UGT1A6: variants seen among roughly 807,000 people sequenced by gnomAD.
UGT1A6 encodes UDP glucuronosyltransferase family 1 member A6.
A neutral mutation model predicts 44.4 loss-of-function variants in UGT1A6; 32 were observed. The observed-to-expected ratio is 0.72, with a 90% CI of 0.54 to 0.97. The LOEUF (loss-of-function observed/expected upper bound fraction) is 0.97. Ranked by LOEUF, UGT1A6 falls within the 50% of genes least tolerant of loss-of-function variation. The pLI is 0.00. For synonymous variants in UGT1A6, 238 were observed against 248.5 expected (o/e 0.96, Z 0.40); for missense variants, 685 against 661.9 (o/e 1.03, Z -0.38).
At chr2:233,765,068 C>T (rs1698740394) in intron 1 of UGT1A6, among the ~76,000 whole-genome samples, 1 of 152,072 alleles carries the variant, frequency 6.6e-6, no homozygotes. Flanking sequence ...TCAGAGGTCT[C>T]CTGTGTCTCA....
chr2:233,730,056 T>A, intron 1 of UGT1A6: 2 of 1,611,732 alleles, frequency 1.2e-6, no homozygotes, highest in Non-Finnish European at 8.5e-7. Context: ...AAAAATGTAT[T>A]TATTTAAAAT....
chr2:233,752,967 C>G (rs1695099374), intron 1 of UGT1A6, among the ~76,000 whole-genome samples: 2 of 152,152 alleles, frequency 1.3e-5, no homozygotes, highest in African/African-American at 2.4e-5. Context: ...TTTATGTAAC[C>G]AATTGTGTAG....
chr2:233,730,485 A>C (rs879945186), intron 1 of UGT1A6, among the ~76,000 whole-genome samples: 5 of 152,208 alleles, frequency 3.3e-5, no homozygotes, highest in Non-Finnish European at 7.3e-5. Context: ...CTCACATGAA[A>C]TAGAAGTGTC....
At chr2:233,755,407 G>A (rs1260827425) in intron 1 of UGT1A6, 10 of 333,228 alleles carry the variant, frequency 3.0e-5, no homozygotes, top group Non-Finnish European at 4.1e-5. Context: ...CTCATTGGCC[G>A]AGGCCTGTGA....
intron 1 of UGT1A6, chr2:233,747,161 T>G (rs1379278040): frequency 2.1e-5 from 34 of 1,586,670 alleles, no homozygotes; most frequent in South Asian, 2.3e-5. Flanking sequence ...AGAAAACAAA[T>G]GTAGGAGGCA....
chr2:233,693,483 CTGAG>C lies in UGT1A6; in HGVS notation c.481_484del (p.Glu161IlefsTer42), dbSNP rs757700333. The C allele has an allele frequency of 1.9e-6, 3 of 1,614,050 alleles. No individual in the cohort carries two copies. In the African/African-American group the frequency reaches 4.0e-5, roughly 22 times the overall value. ...GCCTTACCCTGTGGGGTGATCCTGGCTGAGTATTTGGGCCTACCATCTGTGTACC... is the reference window on the plus strand; with the variant it reads ...GCCTTACCCTGTGGGGTGATCCTGGCTATTTGGGCCTACCATCTGTGTACC... On this transcript the variant is annotated frameshift_variant, in exon 1 of 5. Transcript: ENST00000305139. LOFTEE classifies it high-confidence loss of function.
intron 1 of UGT1A6, among the ~76,000 whole-genome samples, chr2:233,763,677 A>G (rs934617457): frequency 6.6e-6 from 1 of 152,232 alleles, no homozygotes; most frequent in Non-Finnish European, 1.5e-5. Flanking sequence ...AACTTTAAGA[A>G]TAAAGATAAA....
At chr2:233,768,587 T>C (rs977103062) in intron 4 of UGT1A6, 148 bp downstream of exon 4, 429 of 888,300 alleles carry the variant, frequency 4.8e-4, no homozygotes, top group East Asian at 4.8e-3. Context: ...TTCTTCTTTT[T>C]TTTTTTTTTT....
intron 1 of UGT1A6, among the ~76,000 whole-genome samples, chr2:233,726,241 T>TG (rs535893777): frequency 2.0e-4 from 31 of 152,288 alleles, no homozygotes; most frequent in African/African-American, 6.7e-4. Context: ...AACTCCAATA[T>TG]GAAAAGCTGG....
intron 1 of UGT1A6, chr2:233,743,999 G>C (rs981482683): frequency 6.6e-6 from 8 of 1,219,924 alleles, no homozygotes; most frequent in African/African-American, 3.2e-5. Flanking sequence ...CCGAGTGCTC[G>C]GAGACCTGGG....
intron 1 of UGT1A6, among the ~76,000 whole-genome samples, chr2:233,741,179 T>C (rs1691582575): frequency 6.6e-6 from 1 of 151,930 alleles, no homozygotes; most frequent in Non-Finnish European, 1.5e-5. Flanking sequence ...AAACTGAACT[T>C]GTGTTTGCTT....
Position 233,693,234 on chromosome 2 carries a change from T to C in UGT1A6, c.230T>C (p.Ile77Thr). The C allele has an allele frequency of 6.2e-7, 1 of 1,614,090 alleles. No homozygotes were observed. The highest frequency in any genetic ancestry group is 8.5e-7 in the Non-Finnish European group (1 of 1,180,020). ...GAATCCAAATACTACACAAGAAAAA[T>C]CTATCCAGTGCCGTATGACCAAGAA... is the stretch of plus-strand genomic sequence containing the variant. ...LKESKYYTRK[I>T]YPVPYDQEEL... is the part of the protein sequence containing the mutation. Residue 77 changes from isoleucine to threonine, a missense_variant, in exon 1 of 5, where the codon ATC (isoleucine) becomes ACC (threonine). Transcript: ENST00000305139.
chr2:233,715,507 C>A (rs1195776038), intron 1 of UGT1A6, among the ~76,000 whole-genome samples: 1 of 152,122 alleles, frequency 6.6e-6, no homozygotes, highest in East Asian at 1.9e-4. Flanking sequence ...GTGGGTAGCT[C>A]ACACCTGTAA....
At position 233,729,327 on chromosome 2, in the gene UGT1A6, G is replaced by A. The variant is rs199842881; in HGVS notation, c.861+35462G>A. On this transcript the variant is annotated intron_variant, in intron 1 of 4. Coordinates refer to ENST00000305139, the MANE Select transcript of UGT1A6 (RefSeq NM_001072.4). ...TGGTCCTCACCCCAGAGGTGAATATGCACATCAAAGAAGAGAACTTTTTCA... is the reference window on the plus strand; with the variant it reads ...TGGTCCTCACCCCAGAGGTGAATATACACATCAAAGAAGAGAACTTTTTCA... 117 of 1,614,124 alleles carry A rather than the reference G, an allele frequency of 7.2e-5. No individual in the cohort carries two copies. The highest frequency in any genetic ancestry group is 9.6e-5 in the Non-Finnish European group (113 of 1,180,042).
At chr2:233,712,531 C>G (rs1471735074) in intron 1 of UGT1A6, among the ~76,000 whole-genome samples, 1 of 152,178 alleles carries the variant, frequency 6.6e-6, no homozygotes, top group Non-Finnish European at 1.5e-5. Flanking sequence ...CTGTGTTACC[C>G]ATATGTGGGA....
At chr2:233,715,915 T>G (rs2076477324) in intron 1 of UGT1A6, among the ~76,000 whole-genome samples, 1 of 152,210 alleles carries the variant, frequency 6.6e-6, no homozygotes, top group Admixed American at 6.5e-5. Context: ...GGAGGATCAT[T>G]GAGCTCAGGA....
intron 1 of UGT1A6, chr2:233,717,989 CTG>C (rs1276445819): frequency 4.5e-6 from 2 of 440,050 alleles, no homozygotes; most frequent in Non-Finnish European, 9.1e-6. Flanking sequence ...GGAATTCAGA[CTG>C]TGCAAGATCT....
intron 1 of UGT1A6, among the ~76,000 whole-genome samples, chr2:233,736,821 G>A (rs1368702103): frequency 6.6e-6 from 1 of 152,198 alleles, no homozygotes; most frequent in Non-Finnish European, 1.5e-5. Flanking sequence ...CACTCCAGAT[G>A]CTCTTTGCTT....
chr2:233,718,505 ACAT>A (rs2076658456), intron 1 of UGT1A6, among the ~76,000 whole-genome samples: 1 of 152,230 alleles, frequency 6.6e-6, no homozygotes, highest in African/African-American at 2.4e-5. Context: ...GAAGGCAGTG[ACAT>A]GAAATGGGTG....
Sources: allele counts gnomAD v4.1 joint callset (sites outside exome capture counted in the v4.1 genomes callset), GRCh38; gene constraint gnomAD v4.1.1; transcripts MANE v1.5; gene names NCBI Gene and HGNC (gene_info 2026-07-23, HGNC 2026-07-21).